Variants in RAD51 observed in about 807,000 individuals in gnomAD.
RAD51 encodes the protein DNA repair protein RAD51 homolog 1.
In RAD51, 14 loss-of-function variants were observed where a neutral mutation model predicts 41.5. That is an observed-to-expected ratio of 0.34 (90% CI 0.22 to 0.53). RAD51 has a LOEUF of 0.53. Ranked by LOEUF, RAD51 falls within the 20% of genes least tolerant of loss-of-function variation. RAD51 has a pLI of 0.95. For missense variants in RAD51, 234 were observed against 422.0 expected (o/e 0.55, Z 3.90); for synonymous variants, 136 against 148.6 (o/e 0.92, Z 0.62).
intron 1 of RAD51, among the ~76,000 whole-genome samples, chr15:40,698,213 A>C (rs1894772933): frequency 1.4e-5 from 2 of 147,014 alleles, no homozygotes; most frequent in South Asian, 2.2e-4. Context: ...TTTTTGAGAC[A>C]CAGTCTCACT....
chr15:40,709,416 G>T (rs987933535), intron 5 of RAD51, among the ~76,000 whole-genome samples: 1 of 128,286 alleles, frequency 7.8e-6, no homozygotes, highest in Non-Finnish European at 1.5e-5. Flanking sequence ...TCGCTGTGTC[G>T]CCCAGGCTGA....
chr15:40,701,314 TC>T, intron 3 of RAD51, 113 bp downstream of exon 3: 1 of 1,157,538 alleles, frequency 8.6e-7, no homozygotes, highest in Non-Finnish European at 1.3e-6. Context: ...CATTATCCTT[TC>T]CAGGGGTGAC....
In RAD51 at chr15:40,716,126, C is replaced by A. The variant is rs149416723; in HGVS notation, c.436-2679C>A. ...TCAGTGCCCTAAAGGTTGGGAAAAT[C>A]ATGTCTTCAGAGTGTACCGTGCTAA... On this transcript the variant is annotated intron_variant, in intron 5 of 9. Coordinates refer to ENST00000267868, the MANE Select transcript of RAD51 (RefSeq NM_002875.5). Among the ~76,000 whole-genome samples, 1,169 of 152,298 alleles carry A rather than the reference C, an allele frequency of 7.7e-3. 6 individuals carry two copies. Among genetic ancestry groups the A allele is most frequent in the Non-Finnish European group, 0.013 (890 of 68,026 alleles).
chr15:40,723,066 AAG>A (rs1896363437), intron 6 of RAD51, among the ~76,000 whole-genome samples: 2 of 152,202 alleles, frequency 1.3e-5, no homozygotes, highest in South Asian at 4.1e-4. Context: ...CATCTCTCCA[AAG>A]AGGATATACA....
At chr15:40,713,923 T>C (rs1486900455) in intron 5 of RAD51, among the ~76,000 whole-genome samples, 1 of 151,744 alleles carries the variant, frequency 6.6e-6, no homozygotes, top group Non-Finnish European at 1.5e-5. Context: ...ATATGTCTTA[T>C]GAGACAGCCA....
Position 40,731,300 on chromosome 15 carries a change from AAC to A in RAD51, c.*124_*125del. 7.5e-7 allele frequency: 1 copy of A among 1,331,620 alleles called. No individual in the cohort carries two copies. The highest frequency in any genetic ancestry group is 1.4e-5 in the African/African-American group (1 of 69,120). 82.5% of individuals were successfully genotyped at this position (1,331,620 alleles called of 1,614,324 possible). On this transcript the variant is annotated 3_prime_UTR_variant, in exon 10 of 10. Coordinates refer to ENST00000267868, the MANE Select transcript of RAD51 (RefSeq NM_002875.5). ...ACTGCCAGGATAAAGCTTCCGGGAA[AAC>A]AGCTATTATATCAGCTTTTCTGATG...
intron 2 of RAD51, among the ~76,000 whole-genome samples, chr15:40,699,760 A>G (rs1437506488): frequency 6.6e-6 from 1 of 152,182 alleles, no homozygotes; most frequent in Non-Finnish European, 1.5e-5. Flanking sequence ...TATAAGAGAC[A>G]AGCTCCAATT....
intron 3 of RAD51, among the ~76,000 whole-genome samples, chr15:40,702,444 T>TA (rs531396856): frequency 7.4e-4 from 113 of 152,334 alleles, no homozygotes; most frequent in Non-Finnish European, 1.2e-3. Flanking sequence ...GGTATAGACT[T>TA]ACGTGTCTTT....
rs772955410 is a variant in RAD51 at position 40,717,025 on chromosome 15, CA to C, written c.436-1771del. Among the ~76,000 whole-genome samples, 294 of 148,346 alleles carry C rather than the reference CA, an allele frequency of 2.0e-3. 3 individuals carry two copies. The highest frequency in any genetic ancestry group is 8.3e-3 in the South Asian group (37 of 4,476). Reference sequence around the variant, plus strand: ...TAAGCATATAGTTGTTTTGTAATTTCAAAAAAAAATTCTCAAAGATAAGAAA... The same window carrying C: ...TAAGCATATAGTTGTTTTGTAATTTCAAAAAAAATTCTCAAAGATAAGAAA... On this transcript the variant is annotated intron_variant, in intron 5 of 9. Transcript: ENST00000267868.
chr15:40,713,096 G>T (rs1895792198), intron 5 of RAD51, among the ~76,000 whole-genome samples: 1 of 151,460 alleles, frequency 6.6e-6, no homozygotes, highest in Non-Finnish European at 1.5e-5. Context: ...GGCCAGGCTG[G>T]TCTCAAACTC....
At chr15:40,719,837 A>G (rs1372236320) in intron 6 of RAD51, among the ~76,000 whole-genome samples, 2 of 151,910 alleles carry the variant, frequency 1.3e-5, no homozygotes, top group African/African-American at 4.8e-5. Flanking sequence ...GTCTCAAAAA[A>G]AAAAGACAAA....
At chr15:40,702,748 C>T (rs1250860343) in intron 3 of RAD51, among the ~76,000 whole-genome samples, 2 of 151,392 alleles carry the variant, frequency 1.3e-5, no homozygotes, top group Non-Finnish European at 2.9e-5. Context: ...AAACTCCTGG[C>T]CTCAAGCAAT....
chr15:40,698,671 T>C (rs1894803380), intron 1 of RAD51, 86 bp from the exon 2 acceptor site: 2 of 1,304,600 alleles, frequency 1.5e-6, no homozygotes, highest in Non-Finnish European at 2.2e-6. Context: ...AAAGTCTTTT[T>C]GATACGACTA....
At chr15:40,701,288 T>C in intron 3 of RAD51, 87 bp downstream of exon 3, 2 of 1,432,622 alleles carry the variant, frequency 1.4e-6, no homozygotes, top group East Asian at 2.3e-5. Context: ...TTCTATCTCT[T>C]ATTCTTCGGT....
chr15:40,729,482 C>T (rs1596026654), intron 7 of RAD51, 23 bp from the exon 8 acceptor site: 1 of 1,606,514 alleles, frequency 6.2e-7, no homozygotes, highest in Non-Finnish European at 8.5e-7. Context: ...AAATAGGCTT[C>T]AGAGAATCCT....
chr15:40,707,092 G>C (rs1406826390), intron 4 of RAD51, among the ~76,000 whole-genome samples: 2 of 148,950 alleles, frequency 1.3e-5, no homozygotes, highest in Non-Finnish European at 3.0e-5. Flanking sequence ...CTGGGCTCAA[G>C]TGATCTTCTA....
intron 9 of RAD51, among the ~76,000 whole-genome samples, chr15:40,730,480 T>A (rs1021650625): frequency 6.6e-6 from 1 of 151,150 alleles, no homozygotes; most frequent in Non-Finnish European, 1.5e-5. Flanking sequence ...CACTCCAGCC[T>A]GGCAAAAGAG....
intron 5 of RAD51, among the ~76,000 whole-genome samples, chr15:40,712,880 T>TTTC (rs1895778368): frequency 5.0e-5 from 7 of 140,006 alleles, no homozygotes; most frequent in Admixed American, 3.2e-4. Context: ...TTCTTTTCTT[T>TTTC]TTTTTTTTTT....
At chr15:40,706,126 C>A (rs12907142) in intron 3 of RAD51, 51 bp from the exon 4 acceptor site, 1 of 1,390,410 alleles carries the variant, frequency 7.2e-7, no homozygotes, top group Non-Finnish European at 1.0e-6. Context: ...ATCAAGATCA[C>A]TGTGGTAAGG....
Sources: gnomAD v4.1 joint callset for allele counts (sites outside exome capture counted in the v4.1 genomes callset) on GRCh38, gnomAD v4.1.1 for gene constraint, MANE v1.5 for transcripts, NCBI Gene and HGNC (gene_info 2026-07-23, HGNC 2026-07-21) for gene names.